SCFD2: variants seen among roughly 807,000 people sequenced by gnomAD.
SCFD2 encodes the protein sec1 family domain containing 2.
In SCFD2, 54 loss-of-function variants were observed where a neutral mutation model predicts 58.9. The ratio of observed to expected loss-of-function variants is 0.92; its 90% CI spans 0.74 to 1.15. SCFD2 has a LOEUF of 1.15. SCFD2 is among the 50% of genes most tolerant of loss of function. SCFD2 has a pLI of 0.00. For missense variants in SCFD2, 805 were observed against 836.6 expected, an observed-to-expected ratio of 0.96 and a Z score of 0.47; for synonymous variants, 321 against 335.9, an observed-to-expected ratio of 0.96 and a Z score of 0.49.
At chr4:53,237,496 C>CA (rs1553890020) in intron 4 of SCFD2, among the ~76,000 whole-genome samples, 5 of 65,848 alleles carry the variant, frequency 7.6e-5, no homozygotes, top group Non-Finnish European at 1.4e-4. Flanking sequence ...CCCTCCCGGA[C>CA]GGGCGGCTGG....
At chr4:53,337,566 A>C (rs1230895405) in intron 2 of SCFD2, among the ~76,000 whole-genome samples, 1 of 152,186 alleles carries the variant, frequency 6.6e-6, no homozygotes, top group Non-Finnish European at 1.5e-5. Context: ...ATGAAAGAAC[A>C]ACCCATAAAT....
intron 4 of SCFD2, among the ~76,000 whole-genome samples, chr4:53,225,963 A>AT (rs1454906108): frequency 1.3e-4 from 19 of 151,928 alleles, no homozygotes; most frequent in Non-Finnish European, 2.5e-4. Context: ...GGTATTTTTA[A>AT]TTTTTTTAAA....
chr4:52,933,883 C>T (rs1257852360), intron 5 of SCFD2, among the ~76,000 whole-genome samples: 1 of 152,142 alleles, frequency 6.6e-6, no homozygotes, highest in East Asian at 1.9e-4. Context: ...GGTTAATTAT[C>T]ATGGGAATAG....
At chr4:52,956,735 T>C (rs943865630) in intron 5 of SCFD2, 1 of 155,070 alleles carries the variant, frequency 6.4e-6, no homozygotes, top group African/African-American at 2.4e-5. Context: ...ACAGTTCCCA[T>C]TAACATCAAG....
intron 2 of SCFD2, among the ~76,000 whole-genome samples, chr4:53,336,081 G>C (rs529183172): frequency 1.3e-5 from 2 of 152,218 alleles, no homozygotes; most frequent in African/African-American, 4.8e-5. Flanking sequence ...ATTGTATAAA[G>C]CCCTTAGAGA....
chr4:52,963,469 G>A (rs1720896930), intron 5 of SCFD2, among the ~76,000 whole-genome samples: 1 of 152,170 alleles, frequency 6.6e-6, no homozygotes, highest in South Asian at 2.1e-4. Flanking sequence ...AAAAGGCAAT[G>A]TATCTTTCTG....
intron 5 of SCFD2, among the ~76,000 whole-genome samples, chr4:52,993,230 T>C (rs1721664000): frequency 6.6e-6 from 1 of 151,540 alleles, no homozygotes; most frequent in Non-Finnish European, 1.5e-5. Context: ...CTCCCTAATC[T>C]CAAGTACCCA....
chr4:53,299,507 AGT>A (rs1732188156), intron 3 of SCFD2, among the ~76,000 whole-genome samples: 1 of 152,210 alleles, frequency 6.6e-6, no homozygotes, highest in African/African-American at 2.4e-5. Context: ...AATGGAACCA[AGT>A]TGGAAAACAC....
chr4:52,909,446 G>A (rs2109473526), intron 6 of SCFD2, among the ~76,000 whole-genome samples: 1 of 152,314 alleles, frequency 6.6e-6, no homozygotes, highest in Non-Finnish European at 1.5e-5. Flanking sequence ...TGTATGATGG[G>A]TTAGCATTTG....
At chr4:52,963,058 G>T (rs888627475) in intron 5 of SCFD2, among the ~76,000 whole-genome samples, 1 of 152,006 alleles carries the variant, frequency 6.6e-6, no homozygotes, top group African/African-American at 2.4e-5. Context: ...CTCCCCCAGC[G>T]CAACACACAT....
intron 5 of SCFD2, among the ~76,000 whole-genome samples, chr4:53,122,700 T>C (rs1725516395): frequency 6.6e-6 from 1 of 152,176 alleles, no homozygotes; most frequent in African/African-American, 2.4e-5. Context: ...CATAAGTCAG[T>C]TCACCTCTCT....
At chr4:52,975,740 A>G (rs1040928635) in intron 5 of SCFD2, among the ~76,000 whole-genome samples, 9 of 152,198 alleles carry the variant, frequency 5.9e-5, no homozygotes, top group Non-Finnish European at 1.0e-4. Context: ...TTATTGTGGC[A>G]CTATTCACAA....
At chr4:53,192,035 T>C (rs1368485650) in intron 4 of SCFD2, among the ~76,000 whole-genome samples, 2 of 152,212 alleles carry the variant, frequency 1.3e-5, no homozygotes, top group East Asian at 1.9e-4. Flanking sequence ...GGGAGTCAAA[T>C]GTTTTGTTTA....
intron 5 of SCFD2, among the ~76,000 whole-genome samples, chr4:53,116,059 A>G (rs556439200): frequency 1.5e-3 from 234 of 152,314 alleles, no homozygotes; most frequent in African/African-American, 5.3e-3. Flanking sequence ...ATCAGAACAC[A>G]GGATTCGTTC....
intron 4 of SCFD2, among the ~76,000 whole-genome samples, chr4:53,200,034 A>G (rs907331772): frequency 6.6e-6 from 1 of 152,078 alleles, no homozygotes; most frequent in Non-Finnish European, 1.5e-5. Context: ...TAATCCTATC[A>G]GAAGGTCCCA....
chr4:53,124,345 T>C (rs896969753), intron 5 of SCFD2, among the ~76,000 whole-genome samples: 5 of 152,166 alleles, frequency 3.3e-5, no homozygotes, highest in African/African-American at 1.2e-4. Flanking sequence ...GATCAAACTA[T>C]AAAATTTTCT....
chr4:53,340,000 C>T (rs187186938), intron 2 of SCFD2, among the ~76,000 whole-genome samples: 2 of 152,086 alleles, frequency 1.3e-5, no homozygotes, highest in East Asian at 1.9e-4. Flanking sequence ...CCAAGATGAC[C>T]GAATAGGAAC....
intron 5 of SCFD2, among the ~76,000 whole-genome samples, chr4:53,004,921 G>A (rs2148802817): frequency 6.6e-6 from 1 of 152,290 alleles, no homozygotes; most frequent in Middle Eastern, 3.4e-3. Context: ...TTAAGACAGA[G>A]TCTCGCTCTG....
chr4:53,011,225 C>A (rs1448471421), intron 5 of SCFD2, among the ~76,000 whole-genome samples: 1 of 152,158 alleles, frequency 6.6e-6, no homozygotes, highest in African/African-American at 2.4e-5. Flanking sequence ...AATCTCTGTG[C>A]ACCTTATGAA....
Sources: allele counts gnomAD v4.1 joint callset (sites outside exome capture counted in the v4.1 genomes callset), GRCh38; gene constraint gnomAD v4.1.1; transcripts MANE v1.5; gene names NCBI Gene and HGNC (gene_info 2026-07-23, HGNC 2026-07-21).